The following TRIM44 variants were observed in gnomAD, a reference collection of about 807,000 sequenced individuals.
The protein encoded by TRIM44 is tripartite motif-containing protein 44.
TRIM44 carries 13 observed loss-of-function variants against 37.4 expected under a neutral mutation model. The ratio of observed to expected loss-of-function variants is 0.35; its 90% confidence interval spans 0.23 to 0.55. The LOEUF (loss-of-function observed/expected upper bound fraction) is 0.55, where lower values mean the gene tolerates loss of function less well. Ranked by LOEUF, TRIM44 falls within the 20% of genes least tolerant of loss-of-function variation. TRIM44 has a pLI of 0.89. For missense variants in TRIM44, 426 were observed against 437.2 expected (o/e 0.97, Z 0.23); for synonymous variants, 175 against 157.2 (o/e 1.11, Z -0.85).
At chr11:35,754,075 T>C (rs899158517) in intron 4 of TRIM44, among the ~76,000 whole-genome samples, 2 of 152,092 alleles carry the variant, frequency 1.3e-5, no homozygotes, top group Admixed American at 6.5e-5. Flanking sequence ...AAGAAATTTA[T>C]TGAATACTTA....
intron 4 of TRIM44, among the ~76,000 whole-genome samples, chr11:35,737,728 C>T (rs966989837): frequency 2.5e-4 from 38 of 151,738 alleles, no homozygotes; most frequent in African/African-American, 8.2e-4. Context: ...CCCAGCTACT[C>T]GGGAGGCTAA....
intron 2 of TRIM44, among the ~76,000 whole-genome samples, chr11:35,703,099 G>C (rs1361335969): frequency 6.6e-6 from 1 of 152,212 alleles, no homozygotes; most frequent in Non-Finnish European, 1.5e-5. Flanking sequence ...CGCACCAGGA[G>C]ATTATATCCC....
intron 3 of TRIM44, among the ~76,000 whole-genome samples, chr11:35,726,517 C>G (rs186564775): frequency 1.3e-4 from 20 of 152,078 alleles, no homozygotes; most frequent in Admixed American, 1.2e-3. Context: ...TGAATGAGAA[C>G]AAATCATGAA....
At chr11:35,738,508 A>T (rs1193460821) in intron 4 of TRIM44, among the ~76,000 whole-genome samples, 1 of 152,144 alleles carries the variant, frequency 6.6e-6, no homozygotes, top group African/African-American at 2.4e-5. Context: ...GTCAGAAAGG[A>T]GGAGGAGGAG....
At chr11:35,697,017 A>T (rs1032136374) in intron 2 of TRIM44, among the ~76,000 whole-genome samples, 3 of 152,152 alleles carry the variant, frequency 2.0e-5, no homozygotes, top group African/African-American at 7.2e-5. Flanking sequence ...AACCTTAAAG[A>T]CAAATCTTTC....
At chr11:35,792,373 A>C (rs929414393) in intron 4 of TRIM44, among the ~76,000 whole-genome samples, 4 of 152,220 alleles carry the variant, frequency 2.6e-5, no homozygotes, top group Admixed American at 6.5e-5. Flanking sequence ...CTAGATGTTA[A>C]ATAGCTTTGC....
chr11:35,687,427 CT>C lies in TRIM44; in HGVS notation c.747+2092del, dbSNP rs554067657. Reference sequence around the variant, plus strand: ...TTCCTAGCTCAAAGTAGGAGGACCCCTGATAAAAGTTTTTCCTTTAGCTAGG... The same window carrying C: ...TTCCTAGCTCAAAGTAGGAGGACCCCGATAAAAGTTTTTCCTTTAGCTAGG... On this transcript the variant is annotated intron_variant, in intron 2 of 4. Transcript: ENST00000299413. 1.6e-4 allele frequency among the ~76,000 whole-genome samples: 24 copies of C among 152,272 alleles called. No individual in the cohort carries two copies. The South Asian group carries it at 5.0e-3, about 32-fold the overall frequency.
intron 2 of TRIM44, among the ~76,000 whole-genome samples, chr11:35,692,490 C>T (rs1003832094): frequency 2.0e-5 from 3 of 152,110 alleles, no homozygotes; most frequent in African/African-American, 4.8e-5. Context: ...AGTTGAGCTT[C>T]CCTAATCTGA....
Position 35,706,139 on chromosome 11 carries a change from C to T in TRIM44, c.748-19785C>T, listed in dbSNP as rs537346629. On this transcript the variant is annotated intron_variant, in intron 2 of 4. Coordinates refer to ENST00000299413, the MANE Select transcript of TRIM44 (RefSeq NM_017583.6). ...TCAGAGAATACTACAAACACCTCTA[C>T]GCAAATAAATTAGAAAATCTAGAAG... is the stretch of plus-strand genomic sequence containing the variant. 9.4e-5 allele frequency among the ~76,000 whole-genome samples: 14 copies of T among 149,064 alleles called. 2 individuals are homozygous for T. Among genetic ancestry groups the T allele is most frequent in the South Asian group, 6.5e-4 (3 of 4,622 alleles).
At chr11:35,679,227 C>T (rs1217696474) in intron 1 of TRIM44, among the ~76,000 whole-genome samples, 2 of 152,200 alleles carry the variant, frequency 1.3e-5, no homozygotes, top group South Asian at 2.1e-4. Flanking sequence ...TTAGACTAGA[C>T]TGACTTCCAT....
In TRIM44 at chr11:35,671,889, A is replaced by G. The variant is rs181154151; in HGVS notation, c.669+8109A>G. 3.7e-4 allele frequency among the ~76,000 whole-genome samples: 56 copies of G among 152,324 alleles called. 1 individual carries two copies. The East Asian group carries it at 8.9e-3, about 24-fold the overall frequency. On this transcript the variant is annotated intron_variant, in intron 1 of 4. Transcript: ENST00000299413. Reference sequence around the variant, plus strand: ...ACTGAGCCTAGTCTTTAGCTTTATCATAGAAAAATAGTTATGCAGCCCAAT... The same window carrying G: ...ACTGAGCCTAGTCTTTAGCTTTATCGTAGAAAAATAGTTATGCAGCCCAAT...
In TRIM44 at chr11:35,816,400, G is replaced by C. The variant is rs1853580677; in HGVS notation, c.*10015G>C. 1 of 152,176 alleles carries C rather than the reference G, an allele frequency of 6.6e-6. No homozygotes were observed. Among genetic ancestry groups the C allele is most frequent in the Admixed American group, 6.5e-5 (1 of 15,272 alleles). The allele number at this position is 152,176 out of a possible 1,614,324, so 9.4% of individuals were successfully genotyped here. The stretch of plus-strand genomic sequence containing the variant: ...TTTAGATCCCCCCTGGGAAGGAACA[G>C]AATGGAAAAACAATCTCCACTCATA... On this transcript the variant is annotated 3_prime_UTR_variant, in exon 5 of 5. Transcript: ENST00000299413.
chr11:35,764,419 C>A (rs1276120115), intron 4 of TRIM44, among the ~76,000 whole-genome samples: 1 of 152,112 alleles, frequency 6.6e-6, no homozygotes, highest in East Asian at 1.9e-4. Flanking sequence ...TTAATTTAGT[C>A]GGAGAGGCGG....
At chr11:35,711,954 C>T (rs977307680) in intron 2 of TRIM44, among the ~76,000 whole-genome samples, 1 of 152,176 alleles carries the variant, frequency 6.6e-6, no homozygotes, top group African/African-American at 2.4e-5. Context: ...GATCAATTAA[C>T]ACTTCCTAGG....
chr11:35,668,981 T>C (rs1260835048), intron 1 of TRIM44, among the ~76,000 whole-genome samples: 1 of 152,236 alleles, frequency 6.6e-6, no homozygotes, highest in Non-Finnish European at 1.5e-5. Flanking sequence ...GGCATATTGA[T>C]TGATAATCTG....
chr11:35,759,200 T>C (rs903162966), intron 4 of TRIM44, among the ~76,000 whole-genome samples: 5 of 152,186 alleles, frequency 3.3e-5, no homozygotes, highest in African/African-American at 4.8e-5. Flanking sequence ...TGTTGGTTTC[T>C]TTTTATTCTT....
intron 4 of TRIM44, among the ~76,000 whole-genome samples, chr11:35,785,540 T>G (rs1565026545): frequency 6.6e-6 from 1 of 152,186 alleles, no homozygotes; most frequent in Non-Finnish European, 1.5e-5. Context: ...GAGAAGAACC[T>G]CTGGGTCTCT....
At position 35,793,439 on chromosome 11, in the gene TRIM44, C is replaced by T. The variant is rs140356903; in HGVS notation, c.1008-12919C>T. ...ACTCAGGAGGCTGAGGCAGGAGAGT[C>T]GCTTGAACCCAAGAGGCGGAGGTTG... On this transcript the variant is annotated intron_variant, in intron 4 of 4. Transcript: ENST00000299413. 6.2e-4 allele frequency among the ~76,000 whole-genome samples: 95 copies of T among 152,198 alleles called. 2 individuals are homozygous for T. The East Asian group carries it at 0.017, about 27-fold the overall frequency.
In TRIM44 at chr11:35,704,672, G is replaced by A. The variant is rs1235547214; in HGVS notation, c.747+19336G>A. Among the ~76,000 whole-genome samples, 4 of 152,292 alleles carry A rather than the reference G, an allele frequency of 2.6e-5. No homozygotes were observed. The East Asian group carries it at 5.8e-4, about 22-fold the overall frequency. ...TATCCAGCCAAACTAAACTTCATAA[G>A]CGAAGGAGAAATAAAATACTTTACA... is the stretch of plus-strand genomic sequence containing the variant. On this transcript the variant is annotated intron_variant, in intron 2 of 4. Transcript: ENST00000299413.
Sources: gnomAD v4.1 joint callset for allele counts (sites outside exome capture counted in the v4.1 genomes callset) on GRCh38, gnomAD v4.1.1 for gene constraint, MANE v1.5 for transcripts, NCBI Gene and HGNC (gene_info 2026-07-23, HGNC 2026-07-21) for gene names.